Variants in TERT observed in about 807,000 individuals in gnomAD.
TERT encodes telomerase reverse transcriptase, also known as telomerase catalytic subunit.
TERT carries 42 observed loss-of-function variants against 104.0 expected under a neutral mutation model. The ratio of observed to expected loss-of-function variants is 0.40; its 90% CI spans 0.32 to 0.52. The LOEUF is 0.52. Among genes scored for constraint, TERT ranks in the 20% least tolerant of loss-of-function variants. The pLI is 0.43. For missense variants in TERT, 1,101 were observed against 1,610.3 expected, an observed-to-expected ratio of 0.68 and a Z score of 5.41; for synonymous variants, 781 against 725.6, an observed-to-expected ratio of 1.08 and a Z score of -1.23.
At position 1,260,530 on chromosome 5, in the gene TERT, G is replaced by A. The variant is rs773537902; in HGVS notation, c.2914C>T (p.Arg972Cys). The change falls in exon 12 of 16, where the codon CGC becomes TGC. Residue 972 changes from arginine (R) to cysteine (C), a missense_variant. This residue lies in a region of TERT where 463 missense variants were observed against 797.5 expected (regional missense o/e 0.58). Coordinates refer to ENST00000310581, the MANE Select transcript of TERT (RefSeq NM_198253.3). The part of the protein sequence containing the change: ...RGFKAGRNMR[R>C]KLFGVLRLKC... ...AGCCGCAAGACCCCAAAGAGTTTGC[G>A]ACGCATGTTCCTCCCAGCCTTGAAG... 3 of 1,614,068 alleles carry A rather than the reference G, an allele frequency of 1.9e-6. No individual in the cohort carries two copies. The highest frequency in any genetic ancestry group is 1.6e-4 in the Middle Eastern group (1 of 6,084).
At chr5:1,267,751 A>G (rs975403335) in intron 9 of TERT, among the ~76,000 whole-genome samples, 1 of 152,106 alleles carries the variant, frequency 6.6e-6, no homozygotes, top group Non-Finnish European at 1.5e-5. Flanking sequence ...ACCAAACACC[A>G]CATGTTCTCA....
intron 2 of TERT, among the ~76,000 whole-genome samples, chr5:1,285,293 G>A (rs986198930): frequency 1.4e-5 from 2 of 147,960 alleles, no homozygotes; most frequent in African/African-American, 2.5e-5. Context: ...CCAGCTCACT[G>A]AGGGCCTGGC....
intron 6 of TERT, among the ~76,000 whole-genome samples, chr5:1,276,848 C>A (rs955321886): frequency 6.6e-6 from 1 of 152,216 alleles, no homozygotes; most frequent in Non-Finnish European, 1.5e-5. Flanking sequence ...AAGTGGACTG[C>A]GTTACTGGAC....
In TERT at chr5:1,260,533, G is replaced by C; in HGVS notation, c.2911C>G (p.Arg971Gly). 6.2e-7 allele frequency: 1 copy of C among 1,614,182 alleles called. No homozygotes were observed. Among genetic ancestry groups the C allele is most frequent in the Non-Finnish European group, 8.5e-7 (1 of 1,180,014 alleles). The change falls in exon 12 of 16, where the codon CGT (arginine) becomes GGT (glycine). Residue 971 changes from arginine to glycine, a missense_variant. This residue lies in a region of TERT where 463 missense variants were observed against 797.5 expected (regional missense o/e 0.58). Transcript: ENST00000310581. Reference protein sequence around the residue: ...NRGFKAGRNMRRKLFGVLRLK... With the variant: ...NRGFKAGRNMGRKLFGVLRLK... Reference sequence around the variant, plus strand: ...CGCAAGACCCCAAAGAGTTTGCGACGCATGTTCCTCCCAGCCTTGAAGCCG... The same window carrying C: ...CGCAAGACCCCAAAGAGTTTGCGACCCATGTTCCTCCCAGCCTTGAAGCCG...
rs182379340 is a variant in TERT at position 1,280,584 on chromosome 5, C to T, written c.1770-246G>A. Among the ~76,000 whole-genome samples the T allele has an allele frequency of 3.9e-5, 6 of 152,320 alleles. No homozygotes were observed. The East Asian group carries it at 1.2e-3, about 29-fold the overall frequency. On this transcript the variant is annotated intron_variant, in intron 3 of 15. Coordinates refer to ENST00000310581, the MANE Select transcript of TERT (RefSeq NM_198253.3). ...CCCTGGGGACGCCCAGTCCGGCGGT[C>T]AACCCCCAGGGTGACTGTCCCACCA...
In TERT at chr5:1,292,003, G is replaced by A. The variant is rs71595003; in HGVS notation, c.1573+1310C>T. ...TCGATGGGTAGGGACTTCCAGTCAC[G>A]CAAGACGCAGCATTTCAAGCAACCT... is the stretch of plus-strand genomic sequence containing the variant. On this transcript the variant is annotated intron_variant, in intron 2 of 15. Transcript: ENST00000310581. This position sits in a 1 kb window ranked among gnomAD's most constrained non-coding sequence, Gnocchi z 5.5. 0.02 allele frequency among the ~76,000 whole-genome samples: 2,990 copies of A among 152,308 alleles called. 51 individuals carry two copies. The highest frequency in any genetic ancestry group is 0.029 in the Non-Finnish European group (1,970 of 68,028).
chr5:1,293,159 G>A (rs969252820), intron 2 of TERT, among the ~76,000 whole-genome samples, 154 bp downstream of exon 2: 1 of 152,370 alleles, frequency 6.6e-6, no homozygotes, highest in African/African-American at 2.4e-5. Context: ...CAGAGGCAGA[G>A]ATCACCGTGT....
chr5:1,294,272 T>C lies in TERT; in HGVS notation c.614A>G (p.His205Arg). 6.3e-7 allele frequency: 1 copy of C among 1,594,002 alleles called. No individual in the cohort carries two copies. Among genetic ancestry groups the C allele is most frequent in the South Asian group, 1.1e-5 (1 of 89,894 alleles). Residue 205 changes from histidine to arginine, a missense_variant, in exon 2 of 16, where the codon CAT (histidine) becomes CGT (arginine). Physicochemically the swap from His to Arg is conservative, Grantham distance 29. Transcript: ENST00000310581. ...GGGGACCCCGGCCTCCCTGACGCTA[T>C]GGTTCCAGGCCCGTTCGCATCCCAG... ...RRLGCERAWNHSVREAGVPLG... is the reference protein window; with the variant it reads ...RRLGCERAWNRSVREAGVPLG...
intron 2 of TERT, among the ~76,000 whole-genome samples, chr5:1,290,534 T>G (rs1413047664): frequency 7.2e-5 from 4 of 55,264 alleles, no homozygotes; most frequent in African/African-American, 4.9e-4. Context: ...ACCCTGCACG[T>G]GACAGGGACA....
chr5:1,267,547 C>T (rs369302708), intron 9 of TERT, among the ~76,000 whole-genome samples: 4 of 152,174 alleles, frequency 2.6e-5, no homozygotes, highest in African/African-American at 7.2e-5. Flanking sequence ...ATGTTTATTG[C>T]GGCACTATTC....
chr5:1,271,671 T>C (rs557202947), intron 7 of TERT, among the ~76,000 whole-genome samples: 2 of 152,164 alleles, frequency 1.3e-5, no homozygotes, highest in East Asian at 1.9e-4. Context: ...CAGGGCCACG[T>C]GGACAGACCA....
At position 1,271,208 on chromosome 5, in the gene TERT, C is replaced by A. The variant is rs761513215; in HGVS notation, c.2383-4G>T. 2 of 1,610,500 alleles carry A rather than the reference C, an allele frequency of 1.2e-6. No individual in the cohort carries two copies. The highest frequency in any genetic ancestry group is 1.7e-6 in the Non-Finnish European group (2 of 1,177,802). Reference sequence around the variant, plus strand: ...TGGCCTCATTCAGGGAGGAGCTCTGCGAAAGCAGACGGGAGACACATGGGA... The same window carrying A: ...TGGCCTCATTCAGGGAGGAGCTCTGAGAAAGCAGACGGGAGACACATGGGA... On this transcript the variant is annotated splice_polypyrimidine_tract_variant and splice_region_variant and intron_variant, in intron 7 of 15. Coordinates refer to ENST00000310581, the MANE Select transcript of TERT (RefSeq NM_198253.3).
chr5:1,274,840 T>C lies in TERT; in HGVS notation c.2287-2560A>G, dbSNP rs895777544. 1.6e-4 allele frequency among the ~76,000 whole-genome samples: 25 copies of C among 152,192 alleles called. No individual in the cohort carries two copies. Among genetic ancestry groups the C allele is most frequent in the African/African-American group, 5.5e-4 (23 of 41,446 alleles). ...GTTCAAACATCCATAATCGAAACTT[T>C]TCCTTCAAGGAGCCGGAAAAACAAC... is the stretch of plus-strand genomic sequence containing the variant. On this transcript the variant is annotated intron_variant, in intron 6 of 15. Transcript: ENST00000310581. This position sits in a 1 kb window ranked among gnomAD's most constrained non-coding sequence, Gnocchi z 5.3.
chr5:1,293,778 G>A lies in TERT; in HGVS notation c.1108C>T (p.Pro370Ser), dbSNP rs143148040. The A allele has an allele frequency of 7.2e-5, 112 of 1,553,704 alleles. No individual in the cohort carries two copies. Among genetic ancestry groups the A allele is most frequent in the Non-Finnish European group, 9.0e-5 (103 of 1,148,820 alleles). The change falls in exon 2 of 16, where the codon CCC becomes TCC. Residue 370 changes from proline (P) to serine (S), a missense_variant. By Grantham distance (74) the Pro-to-Ser change is moderately conservative. This residue lies in a region of TERT where 504 missense variants were observed against 544.6 expected (regional missense o/e 0.93). Transcript: ENST00000310581. ...LVETIFLGSR[P>S]WMPGTPRRLP... is the part of the protein sequence containing the mutation. ...CTGCGGGGAGTCCCTGGCATCCAGG[G>A]CCTGGAACCCAGAAAGATGGTCTCC...
chr5:1,275,568 C>T (rs1284796392), intron 6 of TERT, among the ~76,000 whole-genome samples: 1 of 151,932 alleles, frequency 6.6e-6, no homozygotes, highest in Non-Finnish European at 1.5e-5. Context: ...AACAGGGAGC[C>T]CAGGGGAGGC....
chr5:1,284,437 G>C (rs1240687659), intron 2 of TERT, among the ~76,000 whole-genome samples: 1 of 147,660 alleles, frequency 6.8e-6, no homozygotes, highest in African/African-American at 2.5e-5. Context: ...CTCACAGCAG[G>C]GTCTGGCGAC....
intron 6 of TERT, 103 bp downstream of exon 6, chr5:1,278,538 G>A: frequency 1.3e-6 from 2 of 1,506,960 alleles, no homozygotes; most frequent in Non-Finnish European, 1.8e-6. Flanking sequence ...AATCATGGAA[G>A]TACCTCCACC....
At position 1,293,343 on chromosome 5, in the gene TERT, G is replaced by A. The variant is rs1751112187; in HGVS notation, c.1543C>T (p.Arg515Trp). The A allele has an allele frequency of 1.2e-6, 2 of 1,613,236 alleles. No individual in the cohort carries two copies. The highest frequency in any genetic ancestry group is 1.7e-6 in the Non-Finnish European group (2 of 1,180,022). ...CTCCTGCGCAGCCAAGCGCAGTCCC[G>A]CACGCTCATCTTCCACGTCAGCTCC... is the stretch of plus-strand genomic sequence containing the variant. Reference protein sequence around the residue: ...LQELTWKMSVRDCAWLRRSPG... With the variant: ...LQELTWKMSVWDCAWLRRSPG... Residue 515 changes from arginine (R) to tryptophan (W), a missense_variant, in exon 2 of 16, where the codon CGG becomes TGG. By Grantham distance (101) the Arg-to-Trp change is moderately radical. Around this residue, in one of 5 missense-constraint regions of TERT, gnomAD observed 504 missense variants for 544.6 expected, o/e 0.93. Transcript: ENST00000310581.
intron 9 of TERT, among the ~76,000 whole-genome samples, chr5:1,266,975 C>T (rs937447355): frequency 6.6e-6 from 1 of 152,182 alleles, no homozygotes; most frequent in South Asian, 2.1e-4. Flanking sequence ...GGGCATGGTG[C>T]ACTGTGTGAC....
Sources: gnomAD v4.1 joint callset for allele counts (sites outside exome capture counted in the v4.1 genomes callset) on GRCh38, gnomAD v4.1.1 for gene constraint, gnomAD v4.1.1 regional missense constraint, Gnocchi (gnomAD v3.1) non-coding constraint, MANE v1.5 for transcripts, NCBI Gene and HGNC (gene_info 2026-07-23, HGNC 2026-07-21) for gene names.